Variants in OR1D2 observed in about 807,000 individuals in gnomAD.
OR1D2 encodes the protein olfactory receptor 1D2.
For synonymous variants in OR1D2, 157 were observed against 153.9 expected (o/e 1.02, Z -0.15); for missense variants, 357 against 376.1 (o/e 0.95, Z 0.42).
At chr17:3,098,147 C>T (rs959775388) in intron 1 of OR1D2, among the ~76,000 whole-genome samples, 20 of 152,274 alleles carry the variant, frequency 1.3e-4, no homozygotes, top group South Asian at 4.1e-4. Flanking sequence ...CCTAGTGAAG[C>T]GCACACCCCC....
At position 3,089,107 on chromosome 17, in the gene OR1D2, G is replaced by C. The variant is rs576300414; in HGVS notation, c.*2951C>G. 5 of 152,314 alleles carry C rather than the reference G, an allele frequency of 3.3e-5. No individual in the cohort carries two copies. The highest frequency in any genetic ancestry group is 7.2e-5 in the African/African-American group (3 of 41,568). 9.4% of individuals were successfully genotyped at this position (152,314 alleles called of 1,614,324 possible). A position where few individuals can be genotyped will look rare whatever the true frequency, so the allele number is the denominator to read the frequency against. On this transcript the variant is annotated 3_prime_UTR_variant, in exon 2 of 2. Coordinates refer to ENST00000641833, the MANE Select transcript of OR1D2 (RefSeq NM_002548.3). Reference sequence around the variant, plus strand: ...TTTCTGGTTCCTTCTCATTTGGGTAGACTATGTCAGAAGGAAGATCTGGGG... The same window carrying C: ...TTTCTGGTTCCTTCTCATTTGGGTACACTATGTCAGAAGGAAGATCTGGGG...
At position 3,089,559 on chromosome 17, in the gene OR1D2, A is replaced by C. The variant is rs1033815531; in HGVS notation, c.*2499T>G. 6.6e-6 allele frequency: 1 copy of C among 152,272 alleles called. No individual in the cohort carries two copies. Among genetic ancestry groups the C allele is most frequent in the Non-Finnish European group, 1.5e-5 (1 of 68,114 alleles). 9.4% of individuals were successfully genotyped at this position (152,272 alleles called of 1,614,324 possible). ...AACTTGCCCTAAGGTGGCCTGGATA[A>C]GTATTCCAGTTTCTCAGGTGGTGAG... On this transcript the variant is annotated 3_prime_UTR_variant, in exon 2 of 2. Coordinates refer to ENST00000641833, the MANE Select transcript of OR1D2 (RefSeq NM_002548.3).
chr17:3,099,382 A>C (rs2047864395), intron 1 of OR1D2, among the ~76,000 whole-genome samples: 2 of 152,212 alleles, frequency 1.3e-5, no homozygotes, highest in Admixed American at 6.5e-5. Flanking sequence ...CAACATTCTG[A>C]AAGAAAAAAA....
chr17:3,100,738 G>GT (rs1211225145), intron 1 of OR1D2, among the ~76,000 whole-genome samples: 1 of 152,002 alleles, frequency 6.6e-6, no homozygotes, highest in Non-Finnish European at 1.5e-5. Flanking sequence ...ACAAAAGCTG[G>GT]TTTTTTGAAA....
chr17:3,092,122 C>T lies in OR1D2; in HGVS notation c.875G>A (p.Arg292Lys). ...CAGAGCCCCATGCATGTCCTTGTTC[C>T]TCAGGCTGTAGATGAAGGGATTCAT... ...PMMNPFIYSL[R>K]NKDMHGALGR... The change falls in exon 2 of 2, where the codon AGG (arginine) becomes AAG (lysine). Residue 292 changes from arginine to lysine, a missense_variant. Coordinates refer to ENST00000641833, the MANE Select transcript of OR1D2 (RefSeq NM_002548.3). 6.2e-7 allele frequency: 1 copy of T among 1,614,078 alleles called. No homozygotes were observed. The highest frequency in any genetic ancestry group is 8.5e-7 in the Non-Finnish European group (1 of 1,180,002).
rs1303644165 is a variant in OR1D2, at chr17:3,091,987, C to G, written c.*71G>C. On this transcript the variant is annotated 3_prime_UTR_variant, in exon 2 of 2. Transcript: ENST00000641833. ...GTCCCAATCACTGCTGTATAACACA[C>G]AGGACAATCCCTTACATAGGGTGAA... 3 of 1,164,652 alleles carry G rather than the reference C, an allele frequency of 2.6e-6. No individual in the cohort carries two copies. The highest frequency in any genetic ancestry group is 3.7e-6 in the Non-Finnish European group (3 of 805,540). The allele number at this position is 1,164,652 out of a possible 1,614,324, so 72.1% of individuals were successfully genotyped here. A position where few individuals can be genotyped will look rare whatever the true frequency, so the allele number is the denominator to read the frequency against.
At chr17:3,099,558 G>C (rs903774189) in intron 1 of OR1D2, among the ~76,000 whole-genome samples, 2 of 152,152 alleles carry the variant, frequency 1.3e-5, no homozygotes, top group Non-Finnish European at 2.9e-5. Context: ...ACTGGTACCA[G>C]CGACTGCAAA....
chr17:3,102,228 T>G (rs1222071905), intron 1 of OR1D2, among the ~76,000 whole-genome samples: 1 of 152,198 alleles, frequency 6.6e-6, no homozygotes, highest in African/African-American at 2.4e-5. Flanking sequence ...TAATTTCGAC[T>G]ATTAAAGTAA....
Position 3,092,014 on chromosome 17 carries a change from G to C in OR1D2, c.*44C>G, listed in dbSNP as rs1217828004. 1 of 1,418,096 alleles carries C rather than the reference G, an allele frequency of 7.1e-7. No individual in the cohort carries two copies. Among genetic ancestry groups the C allele is most frequent in the African/African-American group, 1.4e-5 (1 of 70,716 alleles). The allele number at this position is 1,418,096 out of a possible 1,614,324, so 87.8% of individuals were successfully genotyped here. A position where few individuals can be genotyped will look rare whatever the true frequency, so the allele number is the denominator to read the frequency against. On this transcript the variant is annotated 3_prime_UTR_variant, in exon 2 of 2. Coordinates refer to ENST00000641833, the MANE Select transcript of OR1D2 (RefSeq NM_002548.3). ...GGACAATCCCTTACATAGGGTGAAG[G>C]ATATTCCTAGTCTCCACTTTAATGC...
At chr17:3,098,329 A>T (rs67338355) in intron 1 of OR1D2, among the ~76,000 whole-genome samples, 14,219 of 152,132 alleles carry the variant, frequency 0.093, 930 homozygotes, top group African/African-American at 0.17. Context: ...GGCACCCATG[A>T]TTCCTGTTCT....
chr17:3,093,580 A>G (rs1224578862), intron 1 of OR1D2, among the ~76,000 whole-genome samples: 1 of 152,212 alleles, frequency 6.6e-6, no homozygotes. Context: ...TCTTCATGCG[A>G]ATCATGAGTT....
chr17:3,092,581 T>G lies in OR1D2; in HGVS notation c.416A>C (p.Lys139Thr). 2 of 1,613,906 alleles carry G rather than the reference T, an allele frequency of 1.2e-6. No individual in the cohort carries two copies. The highest frequency in any genetic ancestry group is 1.7e-6 in the Non-Finnish European group (2 of 1,179,960). ...PLHYTTAMSPKLCILLLSLCW... is the reference protein window; with the variant it reads ...PLHYTTAMSPTLCILLLSLCW... Reference sequence around the variant, plus strand: ...CAAGGAAAGGAGTAAGATACAGAGCTTAGGGCTCATGGCTGTGGTGTAGTG... The same window carrying G: ...CAAGGAAAGGAGTAAGATACAGAGCGTAGGGCTCATGGCTGTGGTGTAGTG... Residue 139 changes from lysine to threonine, a missense_variant, in exon 2 of 2, where the codon AAG becomes ACG. Physicochemically the swap from Lys to Thr is moderately conservative, Grantham distance 78. Coordinates refer to ENST00000641833, the MANE Select transcript of OR1D2 (RefSeq NM_002548.3).
At chr17:3,093,163 T>C in intron 1 of OR1D2, 117 bp from the exon 2 acceptor site, 1 of 658,888 alleles carries the variant, frequency 1.5e-6, no homozygotes, top group Non-Finnish European at 2.6e-6. Context: ...TAACAAAGTT[T>C]TTATGCGATA....
intron 1 of OR1D2, among the ~76,000 whole-genome samples, chr17:3,100,372 C>T (rs2047869214): frequency 6.6e-6 from 1 of 152,160 alleles, no homozygotes; most frequent in South Asian, 2.1e-4. Flanking sequence ...TTGAGAAACT[C>T]ATTCAAAACC....
chr17:3,094,913 A>T (rs372230896), intron 1 of OR1D2, among the ~76,000 whole-genome samples: 10 of 152,238 alleles, frequency 6.6e-5, no homozygotes, highest in East Asian at 1.9e-4. Flanking sequence ...GAATAGTAGT[A>T]TTGAACTAGC....
At chr17:3,101,712 A>G (rs1400944818) in intron 1 of OR1D2, among the ~76,000 whole-genome samples, 1 of 152,210 alleles carries the variant, frequency 6.6e-6, no homozygotes, top group Non-Finnish European at 1.5e-5. Context: ...TTCAAATAGG[A>G]AGAGAGGAAG....
intron 1 of OR1D2, among the ~76,000 whole-genome samples, chr17:3,095,364 A>G (rs1208690096): frequency 1.3e-5 from 2 of 152,106 alleles, no homozygotes; most frequent in African/African-American, 4.8e-5. Context: ...ACATATTCAA[A>G]ATGGTTGAAG....
Position 3,089,833 on chromosome 17 carries a change from T to A in OR1D2, c.*2225A>T, listed in dbSNP as rs974844897. On this transcript the variant is annotated 3_prime_UTR_variant, in exon 2 of 2. Coordinates refer to ENST00000641833, the MANE Select transcript of OR1D2 (RefSeq NM_002548.3). The stretch of plus-strand genomic sequence containing the variant: ...CAGGGAAGTGGTGGAAAGCCAGCAG[T>A]GATAGGCCTCACCCAGCTCCCATGC... 1 of 152,420 alleles carries A rather than the reference T, an allele frequency of 6.6e-6. No homozygotes were observed. The highest frequency in any genetic ancestry group is 2.4e-5 in the African/African-American group (1 of 41,432). 9.4% of individuals were successfully genotyped at this position (152,420 alleles called of 1,614,324 possible). A position where few individuals can be genotyped will look rare whatever the true frequency, so the allele number is the denominator to read the frequency against.
intron 1 of OR1D2, among the ~76,000 whole-genome samples, chr17:3,095,069 C>G (rs368440345): frequency 3.3e-5 from 5 of 151,830 alleles, no homozygotes; most frequent in East Asian, 1.9e-4. Context: ...TGCTGAAGGA[C>G]AGGAGAGAGA....
Sources: gnomAD v4.1 joint callset for allele counts (sites outside exome capture counted in the v4.1 genomes callset) on GRCh38, gnomAD v4.1.1 for gene constraint, MANE v1.5 for transcripts, NCBI Gene and HGNC (gene_info 2026-07-23, HGNC 2026-07-21) for gene names.